Variants in ATP9A observed in about 807,000 individuals in gnomAD.
ATP9A encodes ATPase phospholipid transporting 9A.
A neutral mutation model predicts 144.1 loss-of-function variants in ATP9A; 52 were observed. That is an observed-to-expected ratio of 0.36 (90% confidence interval 0.29 to 0.45). The LOEUF is 0.45. Among genes scored for constraint, ATP9A ranks in the 20% least tolerant of loss-of-function variants. The pLI is 1.00. For missense variants in ATP9A, 947 were observed against 1,392.7 expected, an observed-to-expected ratio of 0.68 and a Z score of 5.09; for synonymous variants, 582 against 557.4, an observed-to-expected ratio of 1.04 and a Z score of -0.62.
At chr20:51,724,063 C>T (rs944650684) in intron 3 of ATP9A, among the ~76,000 whole-genome samples, 11 of 151,706 alleles carry the variant, frequency 7.3e-5, no homozygotes, top group Non-Finnish European at 1.3e-4. Flanking sequence ...CCCAGCTACT[C>T]GGGAGGCTGA....
intron 13 of ATP9A, among the ~76,000 whole-genome samples, chr20:51,662,141 A>G (rs544228545): frequency 6.6e-6 from 1 of 152,372 alleles, no homozygotes; most frequent in East Asian, 1.9e-4. Flanking sequence ...TCCAGGGCTT[A>G]GGACCAGGGT....
At chr20:51,710,313 A>G (rs964832162) in intron 4 of ATP9A, among the ~76,000 whole-genome samples, 2 of 146,622 alleles carry the variant, frequency 1.4e-5, no homozygotes, top group East Asian at 3.9e-4. Context: ...AAAAAAAAAG[A>G]AAAAAACTTC....
Position 51,712,964 on chromosome 20 carries a change from A to C in ATP9A, c.436+2T>G. On this transcript the variant is annotated splice_donor_variant, in intron 4 of 27. Coordinates refer to ENST00000338821, the MANE Select transcript of ATP9A (RefSeq NM_006045.3). LOFTEE classifies it high-confidence loss of function. ...CTGTGGCCCAGGAGCCAGAAGGCTG[A>C]CCTCGTGCTGTGAGCCGGCTGTAGA... 1 of 1,606,270 alleles carries C rather than the reference A, an allele frequency of 6.2e-7. No homozygotes were observed. The highest frequency in any genetic ancestry group is 8.5e-7 in the Non-Finnish European group (1 of 1,176,386).
chr20:51,656,964 C>G lies in ATP9A; in HGVS notation c.1480G>C (p.Val494Leu), dbSNP rs764422261. 1.1e-5 allele frequency: 18 copies of G among 1,614,038 alleles called. No individual in the cohort carries two copies. The highest frequency in any genetic ancestry group is 1.4e-5 in the Non-Finnish European group (17 of 1,179,998). Residue 494 changes from valine (V) to leucine (L), a missense_variant, in exon 14 of 28, where the codon GTA (valine) becomes CTA (leucine). Coordinates refer to ENST00000338821, the MANE Select transcript of ATP9A (RefSeq NM_006045.3). ...AEKQYEDSCR[V>L]YQASSPDEVA... ...TCATCGGGGCTGGATGCCTGGTATA[C>G]GCGGCAGGAGTCTTCGTACTGCTTC...
chr20:51,680,970 G>A (rs1002302892), intron 9 of ATP9A, among the ~76,000 whole-genome samples: 2 of 151,788 alleles, frequency 1.3e-5, no homozygotes, highest in Non-Finnish European at 2.9e-5. Flanking sequence ...CAAAATAACC[G>A]AGCACACAGA....
chr20:51,708,327 ATAAAAT>A (rs1344590363), intron 4 of ATP9A, among the ~76,000 whole-genome samples: 1 of 151,970 alleles, frequency 6.6e-6, no homozygotes, highest in Non-Finnish European at 1.5e-5. Flanking sequence ...CTTGATTGAA[ATAAAAT>A]TATCTAAAAT....
chr20:51,607,295 T>C (rs2077167268), intron 26 of ATP9A, among the ~76,000 whole-genome samples: 1 of 152,232 alleles, frequency 6.6e-6, no homozygotes, highest in African/African-American at 2.4e-5. Context: ...CTTTGATTAC[T>C]GTCCACTGCC....
At chr20:51,655,821 T>C (rs2077384659) in intron 14 of ATP9A, among the ~76,000 whole-genome samples, 1 of 151,776 alleles carries the variant, frequency 6.6e-6, no homozygotes, top group East Asian at 1.9e-4. Context: ...CCCACTCAAA[T>C]ACTTGTACAC....
chr20:51,764,022 G>A (rs922911559), intron 1 of ATP9A, among the ~76,000 whole-genome samples: 3 of 152,010 alleles, frequency 2.0e-5, no homozygotes, highest in Admixed American at 1.3e-4. Flanking sequence ...AGACCCCAAC[G>A]GTAAACCTCA....
chr20:51,731,726 A>C (rs1305651492), intron 1 of ATP9A, among the ~76,000 whole-genome samples: 2 of 152,054 alleles, frequency 1.3e-5, no homozygotes, highest in Admixed American at 1.3e-4. Context: ...CTCCAAAAAA[A>C]AAAAAGAGAA....
At chr20:51,723,125 T>C (rs1377983945) in intron 3 of ATP9A, among the ~76,000 whole-genome samples, 1 of 152,182 alleles carries the variant, frequency 6.6e-6, no homozygotes, top group African/African-American at 2.4e-5. Flanking sequence ...CTGGAGACTA[T>C]TATTCGAAGT....
chr20:51,617,583 G>C, intron 21 of ATP9A, 29 bp from the exon 22 acceptor site: 1 of 1,605,248 alleles, frequency 6.2e-7, no homozygotes, highest in Non-Finnish European at 8.5e-7. Context: ...AGAGAGAAAA[G>C]ATGTTTCATT....
intron 1 of ATP9A, among the ~76,000 whole-genome samples, chr20:51,730,259 G>C (rs2077734788): frequency 6.6e-6 from 1 of 152,160 alleles, no homozygotes; most frequent in African/African-American, 2.4e-5. Flanking sequence ...ACAAGGTCAA[G>C]AGATCGAGAC....
At chr20:51,623,719 T>A (rs1340703724) in intron 18 of ATP9A, among the ~76,000 whole-genome samples, 1 of 141,612 alleles carries the variant, frequency 7.1e-6, no homozygotes, top group Non-Finnish European at 1.5e-5. Flanking sequence ...ACCCAGGAAG[T>A]GGAGGTTGCA....
At chr20:51,637,714 T>C (rs1433940257) in intron 15 of ATP9A, among the ~76,000 whole-genome samples, 2 of 147,740 alleles carry the variant, frequency 1.4e-5, no homozygotes, top group Non-Finnish European at 3.0e-5. Context: ...TTTTTTTTTA[T>C]TTCCAAAGGT....
intron 15 of ATP9A, among the ~76,000 whole-genome samples, chr20:51,632,072 T>G (rs538570733): frequency 2.6e-5 from 4 of 152,302 alleles, no homozygotes; most frequent in East Asian, 1.9e-4. Flanking sequence ...TCTTTTTTCT[T>G]TTTCTTTATT....
At chr20:51,701,929 G>A (rs1476200586) in intron 4 of ATP9A, among the ~76,000 whole-genome samples, 2 of 152,162 alleles carry the variant, frequency 1.3e-5, no homozygotes, top group Non-Finnish European at 2.9e-5. Flanking sequence ...GGGAGGCCGA[G>A]GCGGGTGGAT....
chr20:51,601,449 C>T (rs2122700777), intron 27 of ATP9A, 102 bp from the exon 28 acceptor site: 2 of 1,256,920 alleles, frequency 1.6e-6, no homozygotes, highest in Admixed American at 5.8e-5. Flanking sequence ...AAAGTCATCT[C>T]CCGTCACAAA....
chr20:51,679,486 CACT>C lies in ATP9A; in HGVS notation c.800-3281_800-3279del, dbSNP rs146810811. On this transcript the variant is annotated intron_variant, in intron 9 of 27. Transcript: ENST00000338821. ...TGAGCTCACCATGGTCCCCATCCAC[CACT>C]ATCCACTCCTTTAAATCCTCTGCCC... 3.7e-3 allele frequency among the ~76,000 whole-genome samples: 565 copies of C among 152,254 alleles called. 3 individuals are homozygous for C. Among genetic ancestry groups the C allele is most frequent in the African/African-American group, 0.013 (533 of 41,546 alleles).
Sources: allele counts gnomAD v4.1 joint callset (sites outside exome capture counted in the v4.1 genomes callset), GRCh38; gene constraint gnomAD v4.1.1; transcripts MANE v1.5; gene names NCBI Gene and HGNC (gene_info 2026-07-23, HGNC 2026-07-21).